Variants in IGSF21 observed in about 807,000 individuals in gnomAD.
IGSF21 encodes immunoglobulin superfamily member 21.
IGSF21 carries 28 observed loss-of-function variants against 46.8 expected under a neutral mutation model. The ratio of observed to expected loss-of-function variants is 0.60; its 90% CI spans 0.44 to 0.82. The LOEUF (loss-of-function observed/expected upper bound fraction) is 0.82, where lower values mean the gene tolerates loss of function less well. IGSF21 is among the 40% of genes least tolerant of loss of function. The pLI is 0.00. For synonymous variants in IGSF21, 284 were observed against 273.6 expected (o/e 1.04, Z -0.38); for missense variants, 624 against 665.5 (o/e 0.94, Z 0.69).
At chr1:18,198,599 G>A (rs1193238693) in intron 1 of IGSF21, among the ~76,000 whole-genome samples, 3 of 152,326 alleles carry the variant, frequency 2.0e-5, no homozygotes, top group South Asian at 2.1e-4. Context: ...CCTGCCAGGC[G>A]CTTTCTTAAT....
At chr1:18,156,119 G>A (rs2124438518) in intron 1 of IGSF21, among the ~76,000 whole-genome samples, 1 of 152,294 alleles carries the variant, frequency 6.6e-6, no homozygotes, top group African/African-American at 2.4e-5. Context: ...GGAGGGCCTG[G>A]GCTTCACCTG....
intron 1 of IGSF21, among the ~76,000 whole-genome samples, chr1:18,150,635 A>G (rs371835850): frequency 6.6e-6 from 1 of 152,176 alleles, no homozygotes; most frequent in Non-Finnish European, 1.5e-5. Flanking sequence ...GGAAGTCCAC[A>G]TACATTTGAC....
chr1:18,314,836 G>A (rs1009474912), intron 3 of IGSF21, among the ~76,000 whole-genome samples: 1 of 152,196 alleles, frequency 6.6e-6, no homozygotes, highest in African/African-American at 2.4e-5. Context: ...GAGGAGGAGG[G>A]GAAGAGCTGG....
chr1:18,319,359 T>A (rs773220984), intron 3 of IGSF21, among the ~76,000 whole-genome samples: 11 of 152,244 alleles, frequency 7.2e-5, no homozygotes, highest in African/African-American at 1.7e-4. Context: ...CTGCCAGAAC[T>A]TAGTCACATG....
chr1:18,192,308 G>T (rs918764472), intron 1 of IGSF21, among the ~76,000 whole-genome samples: 73 of 152,202 alleles, frequency 4.8e-4, no homozygotes, highest in African/African-American at 1.7e-3. Context: ...CTCTGGGCCG[G>T]GTCTCTGGAG....
chr1:18,133,762 C>G (rs891792649), intron 1 of IGSF21, among the ~76,000 whole-genome samples: 2 of 152,352 alleles, frequency 1.3e-5, no homozygotes, highest in Non-Finnish European at 2.9e-5. Context: ...GGACAACTGC[C>G]GATCCCCGTT....
At chr1:18,194,223 C>T (rs1466617723) in intron 1 of IGSF21, among the ~76,000 whole-genome samples, 1 of 152,188 alleles carries the variant, frequency 6.6e-6, no homozygotes, top group Non-Finnish European at 1.5e-5. Flanking sequence ...AGAAAGGAGA[C>T]CCTCCTACTG....
intron 2 of IGSF21, among the ~76,000 whole-genome samples, chr1:18,267,063 C>G (rs1001101400): frequency 4.6e-5 from 7 of 152,140 alleles, no homozygotes; most frequent in African/African-American, 1.7e-4. Context: ...AGCCCATGGC[C>G]CCTGGCTGTG....
chr1:18,218,365 G>T (rs746860888), intron 1 of IGSF21, among the ~76,000 whole-genome samples: 1 of 152,178 alleles, frequency 6.6e-6, no homozygotes, highest in Non-Finnish European at 1.5e-5. Context: ...CCAACACTGG[G>T]TATTACGATT....
intron 2 of IGSF21, among the ~76,000 whole-genome samples, chr1:18,279,371 G>A (rs2085136172): frequency 6.6e-6 from 1 of 152,224 alleles, no homozygotes; most frequent in Admixed American, 6.5e-5. Context: ...CTGGCACATA[G>A]TGGGGACACA....
At chr1:18,115,849 GAAAGAAAGAAAGAAAGAAAGAAAGA>G (rs2086183832) in intron 1 of IGSF21, 1 of 80,060 alleles carries the variant, frequency 1.2e-5, no homozygotes, top group African/African-American at 4.7e-5. Context: ...AAGGAAGAAA[GAAAGAAAGAAAGAAAGAAAGAAAGA>G]AAGAAAGAAA....
chr1:18,368,165 AC>A (rs908227016), intron 6 of IGSF21, among the ~76,000 whole-genome samples: 1 of 151,914 alleles, frequency 6.6e-6, no homozygotes, highest in African/African-American at 2.4e-5. Flanking sequence ...TCCCTCTGTC[AC>A]AGGTGCCCAC....
intron 1 of IGSF21, among the ~76,000 whole-genome samples, chr1:18,213,842 A>G (rs1324357576): frequency 3.3e-5 from 5 of 152,120 alleles, no homozygotes; most frequent in Non-Finnish European, 7.3e-5. Context: ...TCAGCCCAGG[A>G]TCTGCTGCCT....
intron 2 of IGSF21, among the ~76,000 whole-genome samples, chr1:18,233,594 C>T (rs866143265): frequency 6.6e-6 from 1 of 152,170 alleles, no homozygotes; most frequent in Non-Finnish European, 1.5e-5. Context: ...CCCCATTGTT[C>T]AGCTCATTGT....
intron 1 of IGSF21, among the ~76,000 whole-genome samples, chr1:18,128,621 T>C (rs534637792): frequency 7.2e-5 from 11 of 152,274 alleles, no homozygotes; most frequent in East Asian, 1.9e-4. Context: ...ATTCTAGACC[T>C]GTTCTTATTT....
chr1:18,333,912 G>T (rs1402917207), intron 3 of IGSF21, among the ~76,000 whole-genome samples: 1 of 152,162 alleles, frequency 6.6e-6, no homozygotes, highest in Non-Finnish European at 1.5e-5. Flanking sequence ...ACAGAAGAAG[G>T]ATATTGTATG....
intron 1 of IGSF21, among the ~76,000 whole-genome samples, chr1:18,224,939 C>T (rs528478694): frequency 8.4e-4 from 128 of 152,040 alleles, no homozygotes; most frequent in African/African-American, 3.0e-3. Flanking sequence ...GTGGCAAGCA[C>T]CTGTAATCCC....
At chr1:18,372,545 G>GATGA (rs1347107399) in intron 6 of IGSF21, among the ~76,000 whole-genome samples, 1 of 151,086 alleles carries the variant, frequency 6.6e-6, no homozygotes, top group Non-Finnish European at 1.5e-5. Flanking sequence ...TGGATGGATG[G>GATGA]ATGGATGGAT....
chr1:18,377,799 G>C (rs11582444), intron 9 of IGSF21, among the ~76,000 whole-genome samples: 2 of 152,082 alleles, frequency 1.3e-5, no homozygotes, highest in Non-Finnish European at 2.9e-5. Context: ...GTCCAGCCTC[G>C]ACCGTGGGGC....
Sources: gnomAD v4.1 joint callset for allele counts (sites outside exome capture counted in the v4.1 genomes callset) on GRCh38, gnomAD v4.1.1 for gene constraint, MANE v1.5 for transcripts, NCBI Gene and HGNC (gene_info 2026-07-23, HGNC 2026-07-21) for gene names.